RAPGEF5: variants seen among roughly 807,000 people sequenced by gnomAD.
RAPGEF5 encodes the protein M-Ras-regulated GEF.
Under a neutral mutation model 125.2 loss-of-function variants are expected in RAPGEF5, and 65 were observed. The ratio of observed to expected loss-of-function variants is 0.52; its 90% CI spans 0.43 to 0.64. RAPGEF5 has a LOEUF of 0.64. Ranked by LOEUF, RAPGEF5 falls within the 30% of genes least tolerant of loss-of-function variation. The pLI, the probability that RAPGEF5 is intolerant of heterozygous loss-of-function variation, is 0.00. For synonymous variants in RAPGEF5, 391 were observed against 385.9 expected, an observed-to-expected ratio of 1.01 and a Z score of -0.16; for missense variants, 958 against 1,048.1, an observed-to-expected ratio of 0.91 and a Z score of 1.19.
chr7:22,322,003 G>A (rs1783723007), intron 1 of RAPGEF5, among the ~76,000 whole-genome samples: 1 of 152,156 alleles, frequency 6.6e-6, no homozygotes, highest in Non-Finnish European at 1.5e-5. Flanking sequence ...AGTCGTCAAA[G>A]TTGGGGATAA....
intron 6 of RAPGEF5, among the ~76,000 whole-genome samples, chr7:22,288,526 CTTT>C (rs56683554): frequency 7.0e-5 from 10 of 142,434 alleles, no homozygotes; most frequent in South Asian, 2.2e-4. Context: ...CTTTTCTTTT[CTTT>C]TTTTTTTTTT....
intron 6 of RAPGEF5, among the ~76,000 whole-genome samples, chr7:22,281,871 C>A (rs909519567): frequency 6.6e-6 from 1 of 152,098 alleles, no homozygotes; most frequent in African/African-American, 2.4e-5. Context: ...AAAATCTTAA[C>A]CTCTCCCTCT....
intron 6 of RAPGEF5, among the ~76,000 whole-genome samples, chr7:22,290,253 C>T (rs1377327683): frequency 6.6e-6 from 1 of 152,068 alleles, no homozygotes; most frequent in East Asian, 1.9e-4. Context: ...GGAGTTAAAG[C>T]AGAACTAAAT....
At chr7:22,190,001 G>C (rs1388573138) in intron 11 of RAPGEF5, among the ~76,000 whole-genome samples, 5 of 152,150 alleles carry the variant, frequency 3.3e-5, no homozygotes, top group Non-Finnish European at 7.4e-5. Flanking sequence ...AATTCACTCG[G>C]CTAGGCAGAG....
At chr7:22,154,304 C>T in intron 17 of RAPGEF5, 151 bp downstream of exon 17, 3 of 891,618 alleles carry the variant, frequency 3.4e-6, no homozygotes, top group East Asian at 5.3e-5. Flanking sequence ...CATGGAAACA[C>T]TTCTGGTAGG....
intron 7 of RAPGEF5, among the ~76,000 whole-genome samples, chr7:22,265,001 T>C (rs1277200875): frequency 6.6e-6 from 1 of 152,152 alleles, no homozygotes; most frequent in Non-Finnish European, 1.5e-5. Context: ...TTTTGATAAA[T>C]AATAATTGTA....
chr7:22,218,489 AC>A (rs1287684520), intron 9 of RAPGEF5, among the ~76,000 whole-genome samples: 8 of 152,174 alleles, frequency 5.3e-5, no homozygotes, highest in African/African-American at 1.9e-4. Context: ...TCACAATTAA[AC>A]TATGACATGT....
chr7:22,119,093 T>C lies in RAPGEF5; in HGVS notation c.*3313A>G, dbSNP rs1442358009. The C allele has an allele frequency of 6.6e-6, 1 of 152,210 alleles. No homozygotes were observed. The highest frequency in any genetic ancestry group is 1.5e-5 in the Non-Finnish European group (1 of 68,048). 9.4% of individuals were successfully genotyped at this position (152,210 alleles called of 1,614,324 possible). Reference sequence around the variant, plus strand: ...GCTGCGCCATTTAGGAACATTCAGTTCCGGATCTGCGGTGTCTGTGCTGGC... The same window carrying C: ...GCTGCGCCATTTAGGAACATTCAGTCCCGGATCTGCGGTGTCTGTGCTGGC... On this transcript the variant is annotated 3_prime_UTR_variant, in exon 26 of 26. Coordinates refer to ENST00000665637, the MANE Select transcript of RAPGEF5 (RefSeq NM_012294.5). The surrounding 1 kb of genome is among the most constrained non-coding windows in gnomAD (Gnocchi z 4.1).
At chr7:22,169,915 TAGG>T (rs1784297802) in intron 11 of RAPGEF5, among the ~76,000 whole-genome samples, 1 of 117,648 alleles carries the variant, frequency 8.5e-6, no homozygotes, top group Non-Finnish European at 1.7e-5. Flanking sequence ...GAGGCTGAGG[TAGG>T]AGGATGGCTG....
chr7:22,357,095 C>G lies in RAPGEF5; in HGVS notation c.-35G>C. ...GCGCTGCGGCGCCGGGGGCTCCTCTCCACCGCGCTCGCCTCCGCGCGCCGT... is the reference window on the plus strand; with the variant it reads ...GCGCTGCGGCGCCGGGGGCTCCTCTGCACCGCGCTCGCCTCCGCGCGCCGT... On this transcript the variant is annotated 5_prime_UTR_variant, in exon 1 of 26. Coordinates refer to ENST00000665637, the MANE Select transcript of RAPGEF5 (RefSeq NM_012294.5). The G allele has an allele frequency of 1.0e-6, 1 of 1,003,860 alleles. No homozygotes were observed. Among genetic ancestry groups the G allele is most frequent in the Non-Finnish European group, 1.2e-6 (1 of 837,364 alleles). The allele number at this position is 1,003,860 out of a possible 1,614,324, so 62.2% of individuals were successfully genotyped here. A position where few individuals can be genotyped will look rare whatever the true frequency, so the allele number is the denominator to read the frequency against.
intron 11 of RAPGEF5, among the ~76,000 whole-genome samples, chr7:22,177,654 C>T (rs1784550538): frequency 6.6e-6 from 1 of 152,236 alleles, no homozygotes; most frequent in Admixed American, 6.5e-5. Flanking sequence ...CCTACATGGC[C>T]TGCGCCCCTC....
At chr7:22,216,462 A>G (rs956080241) in intron 9 of RAPGEF5, among the ~76,000 whole-genome samples, 2 of 152,160 alleles carry the variant, frequency 1.3e-5, no homozygotes, top group African/African-American at 4.8e-5. Flanking sequence ...TCTGCCTGAA[A>G]TGCTGTCCCC....
At chr7:22,352,395 T>C (rs914822578) in intron 1 of RAPGEF5, among the ~76,000 whole-genome samples, 2 of 148,818 alleles carry the variant, frequency 1.3e-5, no homozygotes, top group East Asian at 3.9e-4. Flanking sequence ...GATGGGGAAA[T>C]GAACGATTGT....
intron 7 of RAPGEF5, among the ~76,000 whole-genome samples, chr7:22,241,316 A>T (rs1786324980): frequency 6.6e-6 from 1 of 152,190 alleles, no homozygotes. Flanking sequence ...TTTAAAACAT[A>T]CAGTGGAGCC....
chr7:22,281,388 T>C (rs573142766), intron 6 of RAPGEF5, among the ~76,000 whole-genome samples: 19 of 152,146 alleles, frequency 1.2e-4, no homozygotes, highest in Non-Finnish European at 2.5e-4. Flanking sequence ...ATTTCTGTAT[T>C]TTTTGTAGAG....
At chr7:22,163,634 T>G (rs1249674537) in intron 12 of RAPGEF5, among the ~76,000 whole-genome samples, 1 of 152,156 alleles carries the variant, frequency 6.6e-6, no homozygotes, top group Non-Finnish European at 1.5e-5. Context: ...TAAAATTACA[T>G]AAAAATAACA....
At chr7:22,323,558 A>G (rs754141368) in intron 1 of RAPGEF5, among the ~76,000 whole-genome samples, 3 of 152,238 alleles carry the variant, frequency 2.0e-5, no homozygotes, top group Non-Finnish European at 4.4e-5. Flanking sequence ...AACCTTTAAA[A>G]TTTGAGAATT....
At chr7:22,134,983 C>T (rs1482951040) in intron 23 of RAPGEF5, among the ~76,000 whole-genome samples, 1 of 152,210 alleles carries the variant, frequency 6.6e-6, no homozygotes, top group African/African-American at 2.4e-5. Flanking sequence ...TGAAGGAAGA[C>T]TCAGTGAGTA....
intron 9 of RAPGEF5, among the ~76,000 whole-genome samples, chr7:22,204,446 G>C (rs1210071590): frequency 1.3e-5 from 2 of 152,188 alleles, no homozygotes; most frequent in African/African-American, 4.8e-5. Flanking sequence ...GTGTACGTGA[G>C]GAAATGCTTG....
Sources: gnomAD v4.1 joint callset for allele counts (sites outside exome capture counted in the v4.1 genomes callset) on GRCh38, gnomAD v4.1.1 for gene constraint, Gnocchi (gnomAD v3.1) non-coding constraint, MANE v1.5 for transcripts, NCBI Gene and HGNC (gene_info 2026-07-23, HGNC 2026-07-21) for gene names.